Variants in GAD2 observed in about 807,000 individuals in gnomAD.
GAD2 encodes glutamate decarboxylase 2.
A neutral mutation model predicts 80.1 loss-of-function variants in GAD2; 22 were observed. The observed-to-expected ratio is 0.27, with a 90% confidence interval of 0.20 to 0.39. GAD2 has a LOEUF of 0.39. Among genes scored for constraint, GAD2 ranks in the 10% least tolerant of loss-of-function variants. GAD2 has a pLI of 1.00. For synonymous variants in GAD2, 274 were observed against 256.9 expected, an observed-to-expected ratio of 1.07 and a Z score of -0.64; for missense variants, 624 against 738.4, an observed-to-expected ratio of 0.85 and a Z score of 1.80.
rs1244504506 is a variant in GAD2, at chr10:26,303,694, A to T, written c.*2733A>T. On this transcript the variant is annotated 3_prime_UTR_variant, in exon 16 of 16. Transcript: ENST00000376261. Reference sequence around the variant, plus strand: ...TAAAATACTTGAACAAACAAGTGTGATATGTCTTTATCTGAGACCTATACA... The same window carrying T: ...TAAAATACTTGAACAAACAAGTGTGTTATGTCTTTATCTGAGACCTATACA... 1 of 152,226 alleles carries T rather than the reference A, an allele frequency of 6.6e-6. No individual in the cohort carries two copies. The highest frequency in any genetic ancestry group is 2.4e-5 in the African/African-American group (1 of 41,452). 9.4% of individuals were successfully genotyped at this position (152,226 alleles called of 1,614,324 possible). A position where few individuals can be genotyped will look rare whatever the true frequency, so the allele number is the denominator to read the frequency against.
At chr10:26,229,051 G>A (rs576746914) in intron 6 of GAD2, among the ~76,000 whole-genome samples, 15 of 152,076 alleles carry the variant, frequency 9.9e-5, no homozygotes, top group Admixed American at 5.9e-4. Context: ...AAAATTAGCC[G>A]GGTGTGGTGG....
intron 8 of GAD2, among the ~76,000 whole-genome samples, chr10:26,261,607 T>G (rs578210535): frequency 6.6e-6 from 1 of 152,316 alleles, no homozygotes; most frequent in East Asian, 1.9e-4. Flanking sequence ...TTCTATCTCT[T>G]TAAGAAGAAT....
chr10:26,239,920 G>A (rs1201616063), intron 7 of GAD2, among the ~76,000 whole-genome samples: 1 of 152,176 alleles, frequency 6.6e-6, no homozygotes, highest in Non-Finnish European at 1.5e-5. Context: ...AGGTAGGGGA[G>A]GTTGCCAGCC....
rs79508529 is a variant in GAD2 at position 26,286,726 on chromosome 10, C to T, written c.1386+232C>T. ...TTCAAATGCTCACTCATCTGGAAAA[C>T]AAATCCATTTTGCTTTATATAGCAG... On this transcript the variant is annotated intron_variant, in intron 13 of 15. Transcript: ENST00000376261. Among the ~76,000 whole-genome samples the T allele has an allele frequency of 4.0e-3, 604 of 152,246 alleles. 7 individuals carry two copies. The highest frequency in any genetic ancestry group is 7.3e-3 in the Non-Finnish European group (494 of 68,012).
At chr10:26,250,407 C>CA (rs750830984) in intron 8 of GAD2, among the ~76,000 whole-genome samples, 5 of 152,278 alleles carry the variant, frequency 3.3e-5, no homozygotes, top group East Asian at 1.9e-4. Context: ...CCTGTCTACT[C>CA]ACATACACCC....
rs1383444764 is a variant in GAD2 at position 26,281,097 on chromosome 10, T to A, written c.1236+10T>A. 6.2e-7 allele frequency: 1 copy of A among 1,602,580 alleles called. No individual in the cohort carries two copies. The highest frequency in any genetic ancestry group is 8.5e-7 in the Non-Finnish European group (1 of 1,169,784). ...CCTGGTTAGAGAAGAGGTATGTCTC[T>A]CTTGACTCTGTGTCCCAGTCCGTGC... On this transcript the variant is annotated intron_variant, in intron 12 of 15. Transcript: ENST00000376261.
At chr10:26,252,904 C>T (rs1030765656) in intron 8 of GAD2, among the ~76,000 whole-genome samples, 2 of 152,080 alleles carry the variant, frequency 1.3e-5, no homozygotes, top group African/African-American at 4.8e-5. Context: ...GTGATCCACC[C>T]GCCTCGACCT....
intron 7 of GAD2, among the ~76,000 whole-genome samples, chr10:26,238,640 G>A (rs1844704266): frequency 6.6e-6 from 1 of 152,190 alleles, no homozygotes; most frequent in Non-Finnish European, 1.5e-5. Context: ...ACGTGCCTGT[G>A]TACAGATCCA....
chr10:26,230,519 C>T (rs1844588488), intron 7 of GAD2, among the ~76,000 whole-genome samples: 1 of 152,144 alleles, frequency 6.6e-6, no homozygotes, highest in African/African-American at 2.4e-5. Context: ...GCCTGAGCCT[C>T]AACTTCCTAG....
intron 15 of GAD2, 29 bp from the exon 16 acceptor site, chr10:26,300,759 T>A: frequency 6.2e-7 from 1 of 1,604,436 alleles, no homozygotes; most frequent in Non-Finnish European, 8.5e-7. Flanking sequence ...CAGGAGAAAG[T>A]CACCATGCTG....
intron 3 of GAD2, chr10:26,218,455 G>GCCGAGTTTTACCCCCGTGCA: frequency 6.3e-6 from 1 of 159,542 alleles, no homozygotes; most frequent in Admixed American, 6.4e-5. Context: ...AAACCCGCGC[G>GCCGAGTTTTACCCCCGTGCA]CCGAGTTTTA....
chr10:26,248,012 C>CATCCACACACA (rs1395245298), intron 8 of GAD2, among the ~76,000 whole-genome samples: 1 of 151,002 alleles, frequency 6.6e-6, no homozygotes, highest in Non-Finnish European at 1.5e-5. Flanking sequence ...TGAGGCCAAA[C>CATCCACACACA]ATCCACACAC....
At chr10:26,237,110 G>C (rs181752277) in intron 7 of GAD2, among the ~76,000 whole-genome samples, 1 of 152,096 alleles carries the variant, frequency 6.6e-6, no homozygotes, top group Non-Finnish European at 1.5e-5. Context: ...CTTCTGGCAC[G>C]GGGGAGAGAG....
chr10:26,219,040 T>C lies in GAD2; in HGVS notation c.287-3T>C. 1 of 1,569,984 alleles carries C rather than the reference T, an allele frequency of 6.4e-7. No individual in the cohort carries two copies. Among genetic ancestry groups the C allele is most frequent in the Middle Eastern group, 1.7e-4 (1 of 5,904 alleles). Reference sequence around the variant, plus strand: ...AATGTGGCATTTTAATTTCATTCTTTAGACCTGCTGCCGGCGTGTGATGGA... The same window carrying C: ...AATGTGGCATTTTAATTTCATTCTTCAGACCTGCTGCCGGCGTGTGATGGA... On this transcript the variant is annotated splice_polypyrimidine_tract_variant and splice_region_variant and intron_variant, in intron 3 of 15. Transcript: ENST00000376261.
Position 26,219,191 on chromosome 10 carries a change from T to C in GAD2, c.435T>C (p.Tyr145=). 1.9e-6 allele frequency: 3 copies of C among 1,613,796 alleles called. No homozygotes were observed. The highest frequency in any genetic ancestry group is 2.5e-6 in the Non-Finnish European group (3 of 1,179,942). The change falls in exon 4 of 16, where the codon TAT becomes TAC. Residue 145 remains tyrosine, a synonymous_variant. Coordinates refer to ENST00000376261, the MANE Select transcript of GAD2 (RefSeq NM_001134366.2). The part of the protein sequence containing the change: ...FHYPNELLQE[Y]NWELADQPQN... ...ATCCTAATGAGCTTCTCCAAGAATATAATTGGGAATTGGCAGACCAACCAC... is the reference window on the plus strand; with the variant it reads ...ATCCTAATGAGCTTCTCCAAGAATACAATTGGGAATTGGCAGACCAACCAC...
At chr10:26,289,186 C>A (rs550238908) in intron 13 of GAD2, among the ~76,000 whole-genome samples, 1 of 152,140 alleles carries the variant, frequency 6.6e-6, no homozygotes, top group Admixed American at 6.6e-5. Flanking sequence ...AGCTCTCTCT[C>A]TAGCCACACT....
intron 7 of GAD2, among the ~76,000 whole-genome samples, chr10:26,232,773 G>A (rs1844621263): frequency 6.6e-6 from 1 of 152,078 alleles, no homozygotes; most frequent in Non-Finnish European, 1.5e-5. Context: ...AAAGTGCTGG[G>A]ATTACAGGAG....
rs1427208852 is a variant in GAD2, at chr10:26,273,712, T to C, written c.1157+12T>C. 1.9e-6 allele frequency: 3 copies of C among 1,610,078 alleles called. No homozygotes were observed. The highest frequency in any genetic ancestry group is 2.5e-6 in the Non-Finnish European group (3 of 1,177,166). Reference sequence around the variant, plus strand: ...AGTGGCGTGGAGAGGTATGTTGCATTTTTCTTATTAACAACATAAAGTGTT... The same window carrying C: ...AGTGGCGTGGAGAGGTATGTTGCATCTTTCTTATTAACAACATAAAGTGTT... On this transcript the variant is annotated intron_variant, in intron 11 of 15. Transcript: ENST00000376261.
chr10:26,270,074 A>G (rs559764787), intron 9 of GAD2, among the ~76,000 whole-genome samples: 1 of 152,184 alleles, frequency 6.6e-6, no homozygotes, highest in Non-Finnish European at 1.5e-5. Context: ...TACTTCAATC[A>G]GTTTTCATTT....
Sources: allele counts gnomAD v4.1 joint callset (sites outside exome capture counted in the v4.1 genomes callset), GRCh38; gene constraint gnomAD v4.1.1; transcripts MANE v1.5; gene names NCBI Gene and HGNC (gene_info 2026-07-23, HGNC 2026-07-21).